Variants in MAGI2 observed in about 807,000 individuals in gnomAD.
The protein encoded by MAGI2 is membrane-associated guanylate kinase, WW and PDZ domain-containing protein 2.
A neutral mutation model predicts 133.3 loss-of-function variants in MAGI2; 35 were observed. The observed-to-expected ratio is 0.26, with a 90% confidence interval of 0.20 to 0.35. The LOEUF (loss-of-function observed/expected upper bound fraction) is 0.35, where lower values mean the gene tolerates loss of function less well. Among genes scored for constraint, MAGI2 ranks in the 10% least tolerant of loss-of-function variants. MAGI2 has a pLI of 1.00. For missense variants in MAGI2, 1,636 were observed against 1,863.4 expected, an observed-to-expected ratio of 0.88 and a Z score of 2.25; for synonymous variants, 729 against 710.6, an observed-to-expected ratio of 1.03 and a Z score of -0.41.
chr7:78,763,328 A>C (rs922850104), intron 2 of MAGI2, among the ~76,000 whole-genome samples: 15 of 152,214 alleles, frequency 9.9e-5, no homozygotes, highest in African/African-American at 3.6e-4. Flanking sequence ...AATGAGACTG[A>C]GTTATTGTAA....
intron 6 of MAGI2, 73 bp from the exon 7 acceptor site, chr7:78,369,286 G>T: frequency 2.8e-6 from 3 of 1,074,592 alleles, no homozygotes; most frequent in Non-Finnish European, 4.1e-6. Context: ...TAATTTAATT[G>T]TTCATGGATT....
chr7:78,275,839 C>T (rs1795009086), intron 9 of MAGI2, among the ~76,000 whole-genome samples: 1 of 151,798 alleles, frequency 6.6e-6, no homozygotes, highest in Admixed American at 6.6e-5. Flanking sequence ...GAGCAGTTAG[C>T]CCTTTAGCTG....
chr7:79,206,132 G>T (rs755082860), intron 1 of MAGI2, among the ~76,000 whole-genome samples: 1 of 150,526 alleles, frequency 6.6e-6, no homozygotes, highest in Non-Finnish European at 1.5e-5. Context: ...CAATAAGAAA[G>T]ATCTCAAATA....
chr7:78,879,602 T>C (rs1327375841), intron 2 of MAGI2, among the ~76,000 whole-genome samples: 2 of 151,804 alleles, frequency 1.3e-5, no homozygotes, highest in Non-Finnish European at 2.9e-5. Flanking sequence ...CACATGAAAA[T>C]AATTACAAAA....
At chr7:78,327,865 T>C (rs946000033) in intron 9 of MAGI2, among the ~76,000 whole-genome samples, 1 of 152,140 alleles carries the variant, frequency 6.6e-6, no homozygotes, top group Admixed American at 6.5e-5. Context: ...CAGGGCTAAG[T>C]GCCCCAGCCT....
At chr7:78,591,978 G>C (rs890096461) in intron 3 of MAGI2, among the ~76,000 whole-genome samples, 1 of 152,278 alleles carries the variant, frequency 6.6e-6, no homozygotes, top group East Asian at 1.9e-4. Flanking sequence ...TTTTATTAAA[G>C]AGTTGTGTGA....
intron 1 of MAGI2, among the ~76,000 whole-genome samples, chr7:79,209,692 C>G (rs1829344859): frequency 6.6e-6 from 1 of 152,070 alleles, no homozygotes; most frequent in African/African-American, 2.4e-5. Flanking sequence ...CAATTAATCA[C>G]TCTCTTTTCT....
At chr7:79,017,224 C>T (rs1808826259) in intron 1 of MAGI2, among the ~76,000 whole-genome samples, 1 of 152,196 alleles carries the variant, frequency 6.6e-6, no homozygotes, top group Non-Finnish European at 1.5e-5. Flanking sequence ...ATTCAGGCCC[C>T]TCCAGTGAGT....
chr7:78,969,737 C>A (rs983522955), intron 2 of MAGI2, among the ~76,000 whole-genome samples: 5 of 152,018 alleles, frequency 3.3e-5, no homozygotes, highest in African/African-American at 7.2e-5. Flanking sequence ...TTAGAAAAAG[C>A]AGTTGACTCG....
Position 78,748,357 on chromosome 7 carries a change from G to T in MAGI2, c.419-121118C>A, listed in dbSNP as rs531834296. Reference sequence around the variant, plus strand: ...AATCAACTATAATCCAGTGATAGAGGTTTTTTCTGGAATTCCATAAAAAGG... The same window carrying T: ...AATCAACTATAATCCAGTGATAGAGTTTTTTTCTGGAATTCCATAAAAAGG... On this transcript the variant is annotated intron_variant, in intron 2 of 21. Coordinates refer to ENST00000354212, the MANE Select transcript of MAGI2 (RefSeq NM_012301.4). Among the ~76,000 whole-genome samples the T allele has an allele frequency of 2.6e-5, 4 of 152,130 alleles. No individual in the cohort carries two copies. In the East Asian group the frequency reaches 7.7e-4, roughly 29 times the overall value.
chr7:78,481,684 G>T (rs922305684), intron 6 of MAGI2, among the ~76,000 whole-genome samples: 11 of 150,816 alleles, frequency 7.3e-5, no homozygotes, highest in African/African-American at 2.7e-4. Flanking sequence ...AACAAATGGT[G>T]CTGGAACAGT....
intron 1 of MAGI2, among the ~76,000 whole-genome samples, chr7:79,437,135 G>A (rs1160564592): frequency 6.6e-6 from 1 of 152,074 alleles, no homozygotes; most frequent in Non-Finnish European, 1.5e-5. Flanking sequence ...ATAAGTGGAA[G>A]CTAAACATTG....
intron 3 of MAGI2, among the ~76,000 whole-genome samples, chr7:78,528,387 A>G: frequency 6.6e-6 from 1 of 152,168 alleles, no homozygotes; most frequent in East Asian, 1.9e-4. Flanking sequence ...AAATGGATAA[A>G]TCATCAAAGG....
chr7:78,407,298 C>T (rs1211777207), intron 6 of MAGI2, among the ~76,000 whole-genome samples: 4 of 151,894 alleles, frequency 2.6e-5, no homozygotes, highest in South Asian at 2.1e-4. Flanking sequence ...CACAGGATAG[C>T]GTGCTTAGTG....
intron 3 of MAGI2, among the ~76,000 whole-genome samples, chr7:78,547,961 CTTCTT>C (rs1799007430): frequency 1.3e-5 from 2 of 149,572 alleles, no homozygotes; most frequent in African/African-American, 5.1e-5. Context: ...ACCTTTTAAG[CTTCTT>C]TTCTTCTCAC....
intron 10 of MAGI2, among the ~76,000 whole-genome samples, chr7:78,230,034 C>G (rs113206360): frequency 6.6e-6 from 1 of 152,192 alleles, no homozygotes; most frequent in South Asian, 2.1e-4. Flanking sequence ...ATATTTGAAT[C>G]GACACATTGT....
intron 3 of MAGI2, among the ~76,000 whole-genome samples, chr7:78,588,338 C>T (rs547708047): frequency 2.0e-5 from 3 of 152,176 alleles, no homozygotes; most frequent in East Asian, 3.9e-4. Context: ...ATGGGTTCTC[C>T]CCAGGAGACA....
At chr7:79,331,107 C>T (rs1294503341) in intron 1 of MAGI2, among the ~76,000 whole-genome samples, 15 of 152,044 alleles carry the variant, frequency 9.9e-5, no homozygotes, top group Non-Finnish European at 1.9e-4. Flanking sequence ...GATGTGAGTG[C>T]GTACTTGAAT....
chr7:78,346,718 G>T (rs1158250350), intron 7 of MAGI2, among the ~76,000 whole-genome samples: 4 of 152,304 alleles, frequency 2.6e-5, no homozygotes, highest in African/African-American at 9.6e-5. Flanking sequence ...AGCAAACTGT[G>T]AATTTCTGTA....
Sources: gnomAD v4.1 joint callset for allele counts (sites outside exome capture counted in the v4.1 genomes callset) on GRCh38, gnomAD v4.1.1 for gene constraint, MANE v1.5 for transcripts, NCBI Gene and HGNC (gene_info 2026-07-23, HGNC 2026-07-21) for gene names.